Variants in DKK3 observed in about 807,000 individuals in gnomAD.
The protein encoded by DKK3 is dickkopf Wnt signaling pathway inhibitor 3.
Under a neutral mutation model 33.2 loss-of-function variants are expected in DKK3, and 22 were observed. The ratio of observed to expected loss-of-function variants is 0.66; its 90% CI spans 0.47 to 0.95. The LOEUF (loss-of-function observed/expected upper bound fraction) is 0.95, where lower values mean the gene tolerates loss of function less well. DKK3 is among the 40% of genes least tolerant of loss of function. The pLI is 0.00. For missense variants in DKK3, 398 were observed against 458.4 expected (o/e 0.87, Z 1.20); for synonymous variants, 194 against 188.8 (o/e 1.03, Z -0.23).
chr11:11,968,263 G>T, intron 4 of DKK3, 132 bp downstream of exon 4: 1 of 751,318 alleles, frequency 1.3e-6, no homozygotes, highest in Non-Finnish European at 2.1e-6. Context: ...CCTCTGGGGA[G>T]CCCTCTTGGG....
chr11:11,964,546 A>T lies in DKK3; in HGVS notation c.971T>A (p.Leu324Gln), dbSNP rs1847535502. The T allele has an allele frequency of 6.2e-7, 1 of 1,613,974 alleles. No homozygotes were observed. The highest frequency in any genetic ancestry group is 1.3e-5 in the African/African-American group (1 of 74,920). The stretch of plus-strand genomic sequence containing the variant: ...CATCTCTTCAGTCAGGCTCCTCTCC[A>T]GGTCCTCCAGCTCCTGGCGCACCTC... ...MEEVRQELED[L>Q]ERSLTEEMAL... Residue 324 changes from leucine to glutamine, a missense_variant, in exon 7 of 7, where the codon CTG (leucine) becomes CAG (glutamine). Physicochemically the swap from Leu to Gln is moderately radical, Grantham distance 113. Coordinates refer to ENST00000683431, the MANE Select transcript of DKK3 (RefSeq NM_001018057.2).
rs780040051 is a variant in DKK3 at position 12,008,405 on chromosome 11, C to T, written c.178G>A (p.Asp60Asn). ...MFREVEELME[D>N]TQHKLRSAVE... Reference sequence around the variant, plus strand: ...GCGCTGCGCAATTTGTGCTGCGTGTCCTCCATCAGTTCCTCAACCTCGCGG... The same window carrying T: ...GCGCTGCGCAATTTGTGCTGCGTGTTCTCCATCAGTTCCTCAACCTCGCGG... The change falls in exon 1 of 7, where the codon GAC (aspartate) becomes AAC (asparagine). Residue 60 changes from aspartate to asparagine, a missense_variant. Physicochemically the swap from Asp to Asn is conservative, Grantham distance 23 (BLOSUM62 1). Coordinates refer to ENST00000683431, the MANE Select transcript of DKK3 (RefSeq NM_001018057.2). This position sits in a 1 kb window ranked among gnomAD's most constrained non-coding sequence, Gnocchi z 4.6. 2 of 1,608,668 alleles carry T rather than the reference C, an allele frequency of 1.2e-6. No homozygotes were observed. Among genetic ancestry groups the T allele is most frequent in the Non-Finnish European group, 1.7e-6 (2 of 1,178,570 alleles).
At chr11:11,977,644 G>T (rs1176806936) in intron 3 of DKK3, among the ~76,000 whole-genome samples, 2 of 152,138 alleles carry the variant, frequency 1.3e-5, no homozygotes, top group Non-Finnish European at 2.9e-5. Context: ...CTATCCAAAG[G>T]CACGCTGTGT....
rs1273838832 is a variant in DKK3 at position 11,964,326 on chromosome 11, T to C, written c.*138A>G. 12 of 1,100,086 alleles carry C rather than the reference T, an allele frequency of 1.1e-5. No homozygotes were observed. Among genetic ancestry groups the C allele is most frequent in the Non-Finnish European group, 1.6e-5 (12 of 767,748 alleles). The allele number at this position is 1,100,086 out of a possible 1,614,324, so 68.1% of individuals were successfully genotyped here. ...GGGAGCTGAACAAATGCACAACACCTCATGCTGTCAAGCCAGAGGGGAAAC... is the reference window on the plus strand; with the variant it reads ...GGGAGCTGAACAAATGCACAACACCCCATGCTGTCAAGCCAGAGGGGAAAC... On this transcript the variant is annotated 3_prime_UTR_variant, in exon 7 of 7. Coordinates refer to ENST00000683431, the MANE Select transcript of DKK3 (RefSeq NM_001018057.2).
intron 3 of DKK3, among the ~76,000 whole-genome samples, chr11:11,972,177 C>A (rs1847738485): frequency 6.6e-6 from 1 of 152,224 alleles, no homozygotes; most frequent in Non-Finnish European, 1.5e-5. Flanking sequence ...AAGGCAGGAG[C>A]TGTTTTGCAG....
chr11:12,009,254 CG>C, upstream of DKK3: 2 of 984,748 alleles, frequency 2.0e-6, no homozygotes, highest in African/African-American at 1.7e-5. Flanking sequence ...GGTGCAGATG[CG>C]GGAGCGGCGC....
intron 1 of DKK3, among the ~76,000 whole-genome samples, chr11:12,007,147 A>G (rs1229000153): frequency 1.3e-5 from 2 of 152,172 alleles, no homozygotes; most frequent in Admixed American, 1.3e-4. Context: ...TCCACAGGCT[A>G]ACTGTTGTGG....
intron 2 of DKK3, among the ~76,000 whole-genome samples, chr11:12,000,297 C>T (rs1848397743): frequency 6.6e-6 from 1 of 152,104 alleles, no homozygotes; most frequent in African/African-American, 2.4e-5. Context: ...CCTCCGCCTC[C>T]CAGGTTCAAG....
In DKK3 at chr11:11,976,339, C is replaced by CGG. The variant is rs10649585; in HGVS notation, c.436-7854_436-7853dup. On this transcript the variant is annotated intron_variant, in intron 3 of 6. Coordinates refer to ENST00000683431, the MANE Select transcript of DKK3 (RefSeq NM_001018057.2). Reference sequence around the variant, plus strand: ...TACCAACAAGGACAAGGAGGCTGCACGGAACAAGAAAAAACAGACACAATT... The same window carrying CGG: ...TACCAACAAGGACAAGGAGGCTGCACGGGGAACAAGAAAAAACAGACACAATT... 4.5e-3 allele frequency among the ~76,000 whole-genome samples: 690 copies of CGG among 152,264 alleles called. 4 individuals are homozygous for CGG. Among genetic ancestry groups the CGG allele is most frequent in the African/African-American group, 0.016 (650 of 41,544 alleles).
chr11:11,984,655 TAAAAAA>T lies in DKK3; in HGVS notation c.435+14035_435+14040del, dbSNP rs11297335. On this transcript the variant is annotated intron_variant, in intron 3 of 6. Transcript: ENST00000683431. ...TTCAAAGAATTTGCTCAATTTCCTTTAAAAAAAAAAAAAAAAAGAAAAAGTGAAGAA... is the reference window on the plus strand; with the variant it reads ...TTCAAAGAATTTGCTCAATTTCCTTTAAAAAAAAAAAGAAAAAGTGAAGAA... 2.0e-4 allele frequency among the ~76,000 whole-genome samples: 28 copies of T among 139,116 alleles called. No individual in the cohort carries two copies. The East Asian group carries it at 2.3e-3, about 11-fold the overall frequency. 91.3% of individuals were successfully genotyped at this position (139,116 alleles called of 152,430 possible).
intron 2 of DKK3, among the ~76,000 whole-genome samples, chr11:12,000,883 TATA>T (rs1166525619): frequency 1.3e-5 from 2 of 152,170 alleles, no homozygotes; most frequent in Non-Finnish European, 2.9e-5. Flanking sequence ...ATAACTTTAT[TATA>T]ATAACAGTAA....
At chr11:11,978,412 T>TC (rs1729277153) in intron 3 of DKK3, among the ~76,000 whole-genome samples, 1 of 151,112 alleles carries the variant, frequency 6.6e-6, no homozygotes, top group Non-Finnish European at 1.5e-5. Context: ...CTCTTCCTCT[T>TC]CTTCTTCCTC....
intron 3 of DKK3, chr11:11,980,008 C>CA (rs1321670071): frequency 6.6e-6 from 1 of 152,322 alleles, no homozygotes; most frequent in Non-Finnish European, 1.5e-5. Context: ...AGGTGTGTCC[C>CA]AGTGACCCGG....
chr11:11,986,959 A>G (rs975413606), intron 3 of DKK3, among the ~76,000 whole-genome samples: 1 of 152,246 alleles, frequency 6.6e-6, no homozygotes, highest in Non-Finnish European at 1.5e-5. Context: ...ACTCATTTAC[A>G]TACTTACAGC....
chr11:12,009,293 C>T (rs1182142958), upstream of DKK3: 3 of 983,452 alleles, frequency 3.1e-6, no homozygotes, highest in Non-Finnish European at 3.6e-6. Flanking sequence ...TGCGGGAGCG[C>T]GGCGGGGTGC....
chr11:11,968,531 G>T, intron 3 of DKK3, 44 bp from the exon 4 acceptor site: 1 of 1,577,938 alleles, frequency 6.3e-7, no homozygotes, highest in Non-Finnish European at 8.7e-7. Context: ...GGAGAGCAGA[G>T]CAGCAGGCCC....
intron 3 of DKK3, among the ~76,000 whole-genome samples, chr11:11,984,152 A>G (rs1848015547): frequency 6.6e-6 from 1 of 152,194 alleles, no homozygotes; most frequent in Admixed American, 6.5e-5. Context: ...TTTAACACCT[A>G]GATGAAGCCT....
At chr11:12,000,426 C>T (rs1025163980) in intron 2 of DKK3, among the ~76,000 whole-genome samples, 3 of 151,962 alleles carry the variant, frequency 2.0e-5, no homozygotes, top group South Asian at 4.1e-4. Flanking sequence ...AGGCTGGTCT[C>T]GAGCTCCTGA....
intron 3 of DKK3, among the ~76,000 whole-genome samples, chr11:11,972,810 A>G (rs1040461863): frequency 6.6e-6 from 1 of 152,224 alleles, no homozygotes; most frequent in Admixed American, 6.5e-5. Context: ...TCAGCACCCA[A>G]CTGGGCTCTG....
Sources: allele counts gnomAD v4.1 joint callset (sites outside exome capture counted in the v4.1 genomes callset), GRCh38; gene constraint gnomAD v4.1.1; non-coding constraint Gnocchi (gnomAD v3.1); transcripts MANE v1.5; gene names NCBI Gene and HGNC (gene_info 2026-07-23, HGNC 2026-07-21).